The following LRP1B variants were observed in gnomAD, a reference collection of about 807,000 sequenced individuals.
LRP1B encodes the protein low-density lipoprotein receptor-related protein 1B.
Under a neutral mutation model 556.6 loss-of-function variants are expected in LRP1B, and 217 were observed. The ratio of observed to expected loss-of-function variants is 0.39; its 90% CI spans 0.35 to 0.44. The LOEUF (loss-of-function observed/expected upper bound fraction) is 0.44. Ranked by LOEUF, LRP1B falls within the 20% of genes least tolerant of loss-of-function variation. LRP1B has a pLI of 1.00. For synonymous variants in LRP1B, 2,047 were observed against 1,865.8 expected, an observed-to-expected ratio of 1.10 and a Z score of -2.50; for missense variants, 5,053 against 5,620.8, an observed-to-expected ratio of 0.90 and a Z score of 3.23.
At chr2:140,270,190 T>C (rs957032484) in intron 86 of LRP1B, 52 bp downstream of exon 86, 8 of 1,247,922 alleles carry the variant, frequency 6.4e-6, no homozygotes, top group African/African-American at 1.5e-5. Flanking sequence ...AGGGATTTCA[T>C]GTACATACAA....
At chr2:142,049,611 T>G (rs1255315007) in intron 1 of LRP1B, among the ~76,000 whole-genome samples, 2 of 152,108 alleles carry the variant, frequency 1.3e-5, no homozygotes, top group Non-Finnish European at 2.9e-5. Context: ...CTTCCTTCTT[T>G]TAATTATAAT....
chr2:140,611,872 G>T (rs1574141844), intron 41 of LRP1B, among the ~76,000 whole-genome samples: 1 of 152,032 alleles, frequency 6.6e-6, no homozygotes, highest in East Asian at 1.9e-4. Context: ...AGACCATTTG[G>T]CTCACCAACT....
chr2:140,886,252 C>T lies in LRP1B; in HGVS notation c.3850G>A (p.Val1284Ile). ...DLHKRDYSLL[V>I]PGLRNTIALD... ...GCTATTGTGTTTCTCAATCCAGGAA[C>T]AAGTAGACTATAGTCTCTTTTGTGA... Residue 1284 changes from valine (V) to isoleucine (I), a missense_variant, in exon 24 of 91, where the codon GTT becomes ATT. By Grantham distance (29) the Val-to-Ile change is conservative (BLOSUM62 3). Coordinates refer to ENST00000389484, the MANE Select transcript of LRP1B (RefSeq NM_018557.3). 5 of 1,609,782 alleles carry T rather than the reference C, an allele frequency of 3.1e-6. No individual in the cohort carries two copies. The highest frequency in any genetic ancestry group is 1.3e-5 in the African/African-American group (1 of 74,962).
chr2:141,153,362 AT>A (rs1239122646), intron 7 of LRP1B, among the ~76,000 whole-genome samples: 4 of 116,860 alleles, frequency 3.4e-5, no homozygotes, highest in African/African-American at 1.3e-4. Flanking sequence ...AGCTATATAT[AT>A]TTATATATAA....
intron 83 of LRP1B, among the ~76,000 whole-genome samples, chr2:140,303,671 T>C (rs1203662222): frequency 6.6e-6 from 1 of 152,158 alleles, no homozygotes; most frequent in African/African-American, 2.4e-5. Flanking sequence ...AAAATCTTTT[T>C]ATTATACCTT....
chr2:140,877,922 A>G (rs1003599520), intron 25 of LRP1B, among the ~76,000 whole-genome samples: 15 of 152,222 alleles, frequency 9.9e-5, no homozygotes, highest in African/African-American at 3.6e-4. Context: ...ATTAACTGAG[A>G]CCTGTCTCAG....
rs781052076 is a variant in LRP1B, at chr2:140,932,884, T to TACACAC, written c.3137-9738_3137-9737insGTGTGT. ...GAGTGAGACACTCTCTCTCTCTCCC[T>TACACAC]ATACACACACACACACACACACACA... On this transcript the variant is annotated intron_variant, in intron 20 of 90. Coordinates refer to ENST00000389484, the MANE Select transcript of LRP1B (RefSeq NM_018557.3). Among the ~76,000 whole-genome samples, 5 of 13,794 alleles carry TACACAC rather than the reference T, an allele frequency of 3.6e-4. No homozygotes were observed. In the South Asian group the frequency reaches 9.0e-3, roughly 25 times the overall value. 9.0% of individuals were successfully genotyped at this position (13,794 alleles called of 152,430 possible).
chr2:140,526,334 C>T lies in LRP1B; in HGVS notation c.7779G>A (p.Thr2593=), dbSNP rs144688014. ...TCCCATCTGCACAGCGGAACTCAAC[C>T]GTGGCACAGGTTGAAACTAGAAAAA... is the stretch of plus-strand genomic sequence containing the variant. ...ELDCKVSTCA[T]VEFRCADGTC... is the part of the protein sequence containing the mutation. The change falls in exon 48 of 91, where the codon ACG becomes ACA. Residue 2593 remains threonine (T), a synonymous_variant. Transcript: ENST00000389484. 64 of 1,610,814 alleles carry T rather than the reference C, an allele frequency of 4.0e-5. No individual in the cohort carries two copies. Among genetic ancestry groups the T allele is most frequent in the Middle Eastern group, 1.6e-4 (1 of 6,062 alleles).
chr2:141,053,217 C>A (rs1699087021), intron 10 of LRP1B, among the ~76,000 whole-genome samples: 1 of 151,920 alleles, frequency 6.6e-6, no homozygotes, highest in Admixed American at 6.6e-5. Context: ...CATTTGACTA[C>A]CTAAAATCAG....
intron 2 of LRP1B, among the ~76,000 whole-genome samples, chr2:141,803,781 T>G (rs1350095326): frequency 1.3e-5 from 2 of 152,152 alleles, no homozygotes; most frequent in Non-Finnish European, 2.9e-5. Context: ...GAATTCTATT[T>G]TATTTCTCTG....
intron 3 of LRP1B, among the ~76,000 whole-genome samples, chr2:141,306,287 T>A (rs185471341): frequency 5.5e-4 from 83 of 152,290 alleles, no homozygotes; most frequent in East Asian, 3.9e-3. Flanking sequence ...GGACTTTTTT[T>A]AATTACTGTT....
intron 7 of LRP1B, among the ~76,000 whole-genome samples, chr2:141,078,594 G>A (rs1240843464): frequency 2.8e-5 from 4 of 144,726 alleles, no homozygotes; most frequent in Middle Eastern, 3.3e-3. Context: ...ATGTGTAAGT[G>A]CAACAGAAAA....
intron 2 of LRP1B, among the ~76,000 whole-genome samples, chr2:141,603,227 G>A (rs1291633289): frequency 1.3e-5 from 2 of 152,174 alleles, no homozygotes; most frequent in Non-Finnish European, 2.9e-5. Context: ...TGGAAGGCAA[G>A]AAATGAACAA....
chr2:140,327,403 T>C (rs1416603852), intron 79 of LRP1B, among the ~76,000 whole-genome samples: 1 of 152,122 alleles, frequency 6.6e-6, no homozygotes, highest in East Asian at 1.9e-4. Context: ...TGAGAAATAA[T>C]AATTAAGCAA....
At chr2:140,957,600 T>C (rs575930375) in intron 18 of LRP1B, among the ~76,000 whole-genome samples, 2 of 151,764 alleles carry the variant, frequency 1.3e-5, no homozygotes, top group South Asian at 2.1e-4. Flanking sequence ...GGTAAATGTA[T>C]ACAAAGAATA....
At chr2:141,740,903 C>T (rs963819139) in intron 2 of LRP1B, among the ~76,000 whole-genome samples, 7 of 152,226 alleles carry the variant, frequency 4.6e-5, no homozygotes, top group African/African-American at 1.7e-4. Flanking sequence ...TCCTCATCCC[C>T]CTACCCCCCA....
intron 15 of LRP1B, among the ~76,000 whole-genome samples, chr2:141,001,582 T>C (rs1354940032): frequency 1.3e-5 from 2 of 152,086 alleles, no homozygotes; most frequent in African/African-American, 4.8e-5. Flanking sequence ...TGGTTTTCTG[T>C]CCTTGCGATA....
At chr2:141,719,485 T>G (rs1692737997) in intron 2 of LRP1B, among the ~76,000 whole-genome samples, 1 of 152,132 alleles carries the variant, frequency 6.6e-6, no homozygotes, top group African/African-American at 2.4e-5. Flanking sequence ...AGCTTCATTT[T>G]GCCCACTCAT....
At chr2:141,624,504 C>T (rs1242689113) in intron 2 of LRP1B, among the ~76,000 whole-genome samples, 3 of 151,880 alleles carry the variant, frequency 2.0e-5, no homozygotes, top group Non-Finnish European at 4.4e-5. Flanking sequence ...AGATTATTGC[C>T]TTGGGAAAAA....
Sources: gnomAD v4.1 joint callset for allele counts (sites outside exome capture counted in the v4.1 genomes callset) on GRCh38, gnomAD v4.1.1 for gene constraint, MANE v1.5 for transcripts, NCBI Gene and HGNC (gene_info 2026-07-23, HGNC 2026-07-21) for gene names.